Variants in EVC2 observed in about 807,000 individuals in gnomAD.
EVC2 encodes EvC ciliary complex subunit 2, also known as limbin.
Under a neutral mutation model 149.3 loss-of-function variants are expected in EVC2, and 148 were observed. The observed-to-expected ratio is 0.99, with a 90% CI of 0.87 to 1.14. EVC2 has a LOEUF of 1.14. EVC2 is among the 50% of genes most tolerant of loss of function. The pLI is 0.00. For synonymous variants in EVC2, 776 were observed against 649.9 expected (o/e 1.19, Z -2.95); for missense variants, 1,854 against 1,627.3 (o/e 1.14, Z -2.40).
chr4:5,693,753 T>G (rs1021214952), intron 3 of EVC2, among the ~76,000 whole-genome samples: 1 of 152,222 alleles, frequency 6.6e-6, no homozygotes, highest in African/African-American at 2.4e-5. Context: ...ACAGTTCTCG[T>G]ACTACGTTAA....
rs181655712 is a variant in EVC2, at chr4:5,677,822, T to C, written c.870+3438A>G. On this transcript the variant is annotated intron_variant, in intron 7 of 21. Coordinates refer to ENST00000344408, the MANE Select transcript of EVC2 (RefSeq NM_147127.5). This position sits in a 1 kb window ranked among gnomAD's most constrained non-coding sequence, Gnocchi z 4.3. ...CGACATGGCCTCACCCGCCAGGAGC[T>C]CACAGACCACCAGAAGACTGGTTAC... 1.1e-3 allele frequency among the ~76,000 whole-genome samples: 162 copies of C among 152,262 alleles called. 2 individuals carry two copies. Among genetic ancestry groups the C allele is most frequent in the Admixed American group, 8.1e-3 (124 of 15,288 alleles).
At chr4:5,683,999 A>C (rs536287742) in intron 6 of EVC2, among the ~76,000 whole-genome samples, 1 of 152,198 alleles carries the variant, frequency 6.6e-6, no homozygotes, top group South Asian at 2.1e-4. Flanking sequence ...AGGACATGGA[A>C]GCTTCCATTT....
In EVC2 at chr4:5,584,769, G is replaced by A; in HGVS notation, c.2911C>T (p.Gln971Ter). 6.2e-7 allele frequency: 1 copy of A among 1,614,170 alleles called. No homozygotes were observed. Among genetic ancestry groups the A allele is most frequent in the Non-Finnish European group, 8.5e-7 (1 of 1,180,030 alleles). ...GGFAQSLVAL[Q>*]FQKASRVTET... ...GTCACCCGGGACGCCTTCTGGAACT[G>A]CAGAGCAACAAGCGACTGTGCAAAG... Residue 971 changes from glutamine to a stop codon, truncating the protein, a stop_gained, in exon 17 of 22, where the codon CAG becomes TAG. Transcript: ENST00000344408. LOFTEE classifies it high-confidence loss of function.
intron 3 of EVC2, among the ~76,000 whole-genome samples, chr4:5,692,260 T>A (rs1010149295): frequency 6.6e-6 from 1 of 152,196 alleles, no homozygotes; most frequent in African/African-American, 2.4e-5. Flanking sequence ...ACTCCTGGCC[T>A]CAAGTGATCC....
intron 7 of EVC2, among the ~76,000 whole-genome samples, chr4:5,676,709 C>A (rs1290803848): frequency 6.6e-6 from 1 of 152,228 alleles, no homozygotes; most frequent in South Asian, 2.1e-4. Flanking sequence ...CAATTGAATT[C>A]TTCCTCCTCC....
intron 9 of EVC2, among the ~76,000 whole-genome samples, chr4:5,648,148 C>T (rs1297263032): frequency 6.6e-6 from 1 of 152,138 alleles, no homozygotes; most frequent in African/African-American, 2.4e-5. Flanking sequence ...AAATATTTGT[C>T]TTTTCTTTAT....
chr4:5,681,116 A>C lies in EVC2; in HGVS notation c.870+144T>G, dbSNP rs567035467. 13 of 918,064 alleles carry C rather than the reference A, an allele frequency of 1.4e-5. No individual in the cohort carries two copies. The East Asian group carries it at 3.0e-4, about 21-fold the overall frequency. The allele number at this position is 918,064 out of a possible 1,614,324, so 56.9% of individuals were successfully genotyped here. On this transcript the variant is annotated intron_variant, in intron 7 of 21. Coordinates refer to ENST00000344408, the MANE Select transcript of EVC2 (RefSeq NM_147127.5). ...AGCCTCAGGGCACACGGGGGACCCGAGAGACTGCACAGAGTCCCAGTCTCA... is the reference window on the plus strand; with the variant it reads ...AGCCTCAGGGCACACGGGGGACCCGCGAGACTGCACAGAGTCCCAGTCTCA...
At chr4:5,664,507 T>G (rs941535695) in intron 8 of EVC2, among the ~76,000 whole-genome samples, 1 of 152,220 alleles carries the variant, frequency 6.6e-6, no homozygotes, top group South Asian at 2.1e-4. Context: ...GTTCTTCTGA[T>G]TGATAACAGC....
intron 7 of EVC2, among the ~76,000 whole-genome samples, chr4:5,680,097 G>C (rs1432391956): frequency 6.6e-6 from 1 of 152,066 alleles, no homozygotes; most frequent in Admixed American, 6.6e-5. Flanking sequence ...GGCAATAACA[G>C]GCATGGACCT....
At chr4:5,650,632 TATATATAGAGAGAGAGAG>T (rs1168991863) in intron 9 of EVC2, among the ~76,000 whole-genome samples, 5 of 61,566 alleles carry the variant, frequency 8.1e-5, no homozygotes, top group African/African-American at 2.9e-4. Context: ...TATATATATA[TATATATAGAGAGAGAGAG>T]AGAGAGAGAG....
intron 10 of EVC2, among the ~76,000 whole-genome samples, chr4:5,638,937 A>T (rs4688943): frequency 0.75 from 113,909 of 152,044 alleles, 43,232 homozygotes; most frequent in East Asian, 0.93. Flanking sequence ...ACAGAAAAAA[A>T]TTCTGTTGTT....
At chr4:5,706,113 T>A (rs58710254) in intron 1 of EVC2, among the ~76,000 whole-genome samples, 21,530 of 151,538 alleles carry the variant, frequency 0.14, 1,668 homozygotes, top group South Asian at 0.2. Context: ...CCTGACTCCT[T>A]CCCTGGCTAA....
At chr4:5,629,954 T>A (rs1716408185) in intron 11 of EVC2, among the ~76,000 whole-genome samples, 1 of 152,238 alleles carries the variant, frequency 6.6e-6, no homozygotes, top group African/African-American at 2.4e-5. Context: ...TCTGGCATAA[T>A]ATCATTCACA....
chr4:5,561,547 G>A (rs899506026), downstream of EVC2, among the ~76,000 whole-genome samples: 1 of 152,188 alleles, frequency 6.6e-6, no homozygotes, highest in Non-Finnish European at 1.5e-5. Context: ...CAACCCCAGC[G>A]AAGGTACTTG....
At chr4:5,682,042 A>G (rs1057041230) in intron 6 of EVC2, among the ~76,000 whole-genome samples, 2 of 152,212 alleles carry the variant, frequency 1.3e-5, no homozygotes. Context: ...CATCTGTGAA[A>G]TGGTAATCAT....
At chr4:5,702,554 A>G (rs1251668262) in intron 1 of EVC2, among the ~76,000 whole-genome samples, 1 of 152,234 alleles carries the variant, frequency 6.6e-6, no homozygotes, top group Admixed American at 6.5e-5. Context: ...AAAATGGTCT[A>G]GAATCTGAGC....
chr4:5,653,840 G>C (rs531939670), intron 9 of EVC2, among the ~76,000 whole-genome samples: 3 of 152,322 alleles, frequency 2.0e-5, no homozygotes, highest in South Asian at 4.1e-4. Context: ...CTTAATGCGT[G>C]CCTGTTACAA....
chr4:5,622,784 G>C lies in EVC2; in HGVS notation c.2254C>G (p.Arg752Gly), dbSNP rs532778814. The change falls in exon 14 of 22, where the codon CGG becomes GGG. Residue 752 changes from arginine (R) to glycine (G), a missense_variant. Coordinates refer to ENST00000344408, the MANE Select transcript of EVC2 (RefSeq NM_147127.5). This position sits in a 1 kb window ranked among gnomAD's most constrained non-coding sequence, Gnocchi z 5.8. ...SLFEKATDEL[R>G]RLQNSAMTQE... is the part of the protein sequence containing the mutation. ...GTCATGGCTGAGTTCTGCAGGCGCC[G>C]CAGCTCGTCGGTGGCCTTTTCAAAC... 1 of 1,614,030 alleles carries C rather than the reference G, an allele frequency of 6.2e-7. No homozygotes were observed. Among genetic ancestry groups the C allele is most frequent in the African/African-American group, 1.3e-5 (1 of 74,982 alleles).
rs561368769 is a variant in EVC2 at position 5,641,071 on chromosome 4, A to G, written c.1146-233T>C. Among the ~76,000 whole-genome samples, 6 of 152,372 alleles carry G rather than the reference A, an allele frequency of 3.9e-5. No individual in the cohort carries two copies. The South Asian group carries it at 1.2e-3, about 32-fold the overall frequency. On this transcript the variant is annotated intron_variant, in intron 9 of 21. Coordinates refer to ENST00000344408, the MANE Select transcript of EVC2 (RefSeq NM_147127.5). Reference sequence around the variant, plus strand: ...ATGTACAAAAAAGAATATAATCAATATAAGACATGTTTCTGTCAACAAGTA... The same window carrying G: ...ATGTACAAAAAAGAATATAATCAATGTAAGACATGTTTCTGTCAACAAGTA...
Sources: allele counts gnomAD v4.1 joint callset (sites outside exome capture counted in the v4.1 genomes callset), GRCh38; gene constraint gnomAD v4.1.1; non-coding constraint Gnocchi (gnomAD v3.1); transcripts MANE v1.5; gene names NCBI Gene and HGNC (gene_info 2026-07-23, HGNC 2026-07-21).